Variants in TPD52 observed in about 807,000 individuals in gnomAD.
The protein encoded by TPD52 is prostate and colon associated protein.
In TPD52, 17 loss-of-function variants were observed where a neutral mutation model predicts 31.3. That is an observed-to-expected ratio of 0.54 (90% CI 0.37 to 0.82). The LOEUF is 0.82. Among genes scored for constraint, TPD52 ranks in the 40% least tolerant of loss-of-function variants. TPD52 has a pLI of 0.00. For synonymous variants in TPD52, 83 were observed against 89.6 expected (o/e 0.93, Z 0.42); for missense variants, 212 against 240.1 (o/e 0.88, Z 0.77).
intron 1 of TPD52, among the ~76,000 whole-genome samples, chr8:80,168,488 T>C (rs1811861455): frequency 6.6e-6 from 1 of 152,266 alleles, no homozygotes; most frequent in South Asian, 2.1e-4. Context: ...CCTAAAATTT[T>C]CTGCTTTGGT....
rs1808089450 is a variant in TPD52 at position 80,119,393 on chromosome 8, A to G, written c.19+52032T>C. Among the ~76,000 whole-genome samples the G allele has an allele frequency of 2.6e-5, 4 of 152,334 alleles. No individual in the cohort carries two copies. In the South Asian group the frequency reaches 8.3e-4, roughly 32 times the overall value. On this transcript the variant is annotated intron_variant, in intron 1 of 7. Coordinates refer to ENST00000518937, the MANE Select transcript of TPD52 (RefSeq NM_001025253.3). Reference sequence around the variant, plus strand: ...TAAAAACCAATGAATTATAGATTGAATGAGCTGTATGGTTATCAGAATTAT... The same window carrying G: ...TAAAAACCAATGAATTATAGATTGAGTGAGCTGTATGGTTATCAGAATTAT...
chr8:80,123,123 G>A (rs9643749), intron 1 of TPD52: 65,362 of 152,180 alleles, frequency 0.43, 14,676 homozygotes, highest in East Asian at 0.78. Context: ...GGTAAGTGCT[G>A]GTGATAAGGT....
rs939904824 is a variant in TPD52, at chr8:80,171,498, C to G, written c.-55G>C. ...CAGCACCCCCGCCTGCAGCCCGTCC[C>G]GGCTCGGATCGCCCGCCGCGCCGCG... On this transcript the variant is annotated 5_prime_UTR_variant, in exon 1 of 8. Transcript: ENST00000518937. 9.9e-5 allele frequency: 151 copies of G among 1,522,460 alleles called. 2 individuals carry two copies. The South Asian group carries it at 1.8e-3, about 18-fold the overall frequency. The allele number at this position is 1,522,460 out of a possible 1,614,324, so 94.3% of individuals were successfully genotyped here.
intron 1 of TPD52, among the ~76,000 whole-genome samples, chr8:80,124,166 CTT>C (rs1230288422): frequency 1.1e-5 from 1 of 93,828 alleles, no homozygotes; most frequent in Non-Finnish European, 1.9e-5. Context: ...CTCTCTCTCT[CTT>C]TTTGTTTTTT....
intron 1 of TPD52, among the ~76,000 whole-genome samples, chr8:80,113,380 C>T (rs1281014337): frequency 6.6e-6 from 1 of 151,994 alleles, no homozygotes; most frequent in Non-Finnish European, 1.5e-5. Context: ...GTGGAGGATT[C>T]TCAAAAAACT....
chr8:80,155,972 T>C (rs938096022), intron 1 of TPD52, among the ~76,000 whole-genome samples: 1 of 151,776 alleles, frequency 6.6e-6, no homozygotes, highest in Non-Finnish European at 1.5e-5. Flanking sequence ...GGGGGGTACA[T>C]CATATTTAAG....
intron 1 of TPD52, among the ~76,000 whole-genome samples, chr8:80,110,351 G>GA (rs1025330324): frequency 1.6e-4 from 24 of 151,620 alleles, no homozygotes; most frequent in African/African-American, 4.6e-4. Context: ...ACTGTGATTA[G>GA]AAAAAAAATG....
At chr8:80,164,898 C>CAAAAAAAAAAAAAAAAAA (rs34027501) in intron 1 of TPD52, among the ~76,000 whole-genome samples, 1 of 31,908 alleles carries the variant, frequency 3.1e-5, no homozygotes, top group African/African-American at 1.1e-4. Flanking sequence ...GACAATGTCT[C>CAAAAAAAAAAAAAAAAAA]AAAAAAAAAA....
intron 3 of TPD52, chr8:80,051,846 G>T: frequency 2.2e-6 from 1 of 454,250 alleles, no homozygotes; most frequent in Non-Finnish European, 3.9e-6. Flanking sequence ...CAGTGCCCTA[G>T]TCCAGCCAGA....
At chr8:80,160,046 C>T (rs575697388) in intron 1 of TPD52, among the ~76,000 whole-genome samples, 1 of 152,118 alleles carries the variant, frequency 6.6e-6, no homozygotes, top group African/African-American at 2.4e-5. Context: ...AAAAAATTAG[C>T]CAGGCATGGT....
intron 1 of TPD52, among the ~76,000 whole-genome samples, chr8:80,095,633 A>C (rs7817734): frequency 0.081 from 12,378 of 152,224 alleles, 609 homozygotes; most frequent in South Asian, 0.2. Flanking sequence ...AATTTTCTGT[A>C]AACCCAAAAC....
rs1188160438 is a variant in TPD52, at chr8:80,061,444, G to A, written c.135+3034C>T. Among the ~76,000 whole-genome samples the A allele has an allele frequency of 2.1e-5, 3 of 142,130 alleles. No homozygotes were observed. In the Admixed American group the frequency reaches 2.4e-4, roughly 11 times the overall value. 93.2% of individuals were successfully genotyped at this position (142,130 alleles called of 152,430 possible). A position where few individuals can be genotyped will look rare whatever the true frequency, so the allele number is the denominator to read the frequency against. On this transcript the variant is annotated intron_variant, in intron 2 of 7. Transcript: ENST00000518937. ...AGAGTGGTTGTGGTGGCTTATGCCT[G>A]TAATCCCAGCACTTTGAGAGGCCTT...
chr8:80,081,995 A>C (rs1023591640), intron 1 of TPD52, among the ~76,000 whole-genome samples: 2 of 151,948 alleles, frequency 1.3e-5, no homozygotes, highest in African/African-American at 4.8e-5. Context: ...TTTAGTAGAG[A>C]TGGGGTTTCG....
At chr8:80,054,217 G>A (rs1238145811) in intron 2 of TPD52, among the ~76,000 whole-genome samples, 2 of 152,144 alleles carry the variant, frequency 1.3e-5, no homozygotes, top group Middle Eastern at 3.2e-3. Context: ...AGTAGAAGCT[G>A]AAAAAACTTG....
At chr8:80,134,353 A>G (rs574244964) in intron 1 of TPD52, among the ~76,000 whole-genome samples, 18 of 152,320 alleles carry the variant, frequency 1.2e-4, no homozygotes, top group Non-Finnish European at 1.2e-4. Flanking sequence ...GTTTGCCCCA[A>G]TAAGAAAACA....
chr8:80,114,664 G>A (rs1244567435), intron 1 of TPD52, among the ~76,000 whole-genome samples: 1 of 152,126 alleles, frequency 6.6e-6, no homozygotes, highest in Non-Finnish European at 1.5e-5. Flanking sequence ...GTCAGACTCA[G>A]AAGTCCAAGA....
At chr8:80,136,523 CAAAAAAAAAAAAAAAAA>C (rs56656428) in intron 1 of TPD52, among the ~76,000 whole-genome samples, 31 of 67,096 alleles carry the variant, frequency 4.6e-4, no homozygotes, top group African/African-American at 1.2e-3. Context: ...GACTCTGTCT[CAAAAAAAAAAAAAAAAA>C]AAAAAAAAAA....
chr8:80,113,504 A>G (rs896733718), intron 1 of TPD52, among the ~76,000 whole-genome samples: 2 of 152,254 alleles, frequency 1.3e-5, no homozygotes, highest in African/African-American at 4.8e-5. Context: ...CACTATTCAC[A>G]ATAACTAAGA....
chr8:80,152,709 G>C (rs922675736), intron 1 of TPD52, among the ~76,000 whole-genome samples: 1 of 142,746 alleles, frequency 7.0e-6, no homozygotes, highest in Non-Finnish European at 1.5e-5. Flanking sequence ...TGAATCTTGG[G>C]GGGCAGATGT....
Sources: allele counts gnomAD v4.1 joint callset (sites outside exome capture counted in the v4.1 genomes callset), GRCh38; gene constraint gnomAD v4.1.1; transcripts MANE v1.5; gene names NCBI Gene and HGNC (gene_info 2026-07-23, HGNC 2026-07-21).